Variants in AKAP13 observed in about 807,000 individuals in gnomAD.
AKAP13 encodes the protein A-kinase anchoring protein 13, also known as A-kinase anchor protein 13.
AKAP13 carries 80 observed loss-of-function variants against 264.5 expected under a neutral mutation model. That is an observed-to-expected ratio of 0.30 (90% CI 0.25 to 0.36). The LOEUF (loss-of-function observed/expected upper bound fraction) is 0.36, where lower values mean the gene tolerates loss of function less well. Among genes scored for constraint, AKAP13 ranks in the 10% least tolerant of loss-of-function variants. The pLI is 1.00. For synonymous variants in AKAP13, 1,380 were observed against 1,250.2 expected (o/e 1.10, Z -2.19); for missense variants, 3,712 against 3,435.2 (o/e 1.08, Z -2.01).
intron 11 of AKAP13, among the ~76,000 whole-genome samples, chr15:85,656,248 T>C (rs568481471): frequency 6.6e-6 from 1 of 152,362 alleles, no homozygotes; most frequent in East Asian, 1.9e-4. Flanking sequence ...ACCATCTGTT[T>C]CTAATACAGA....
chr15:85,723,181 T>G lies in AKAP13; in HGVS notation c.6606T>G (p.Asn2202Lys). 1 of 1,614,136 alleles carries G rather than the reference T, an allele frequency of 6.2e-7. No individual in the cohort carries two copies. The highest frequency in any genetic ancestry group is 1.1e-5 in the South Asian group (1 of 91,082). The change falls in exon 26 of 37, where the codon AAT becomes AAG. Residue 2202 changes from asparagine to lysine, a missense_variant. Coordinates refer to ENST00000394518, the MANE Select transcript of AKAP13 (RefSeq NM_007200.5). ...GTTATGAAAAGAAAGTGCGTCTCAA[T>G]GAGATTTATACAAAGACAGATAGCA... ...VASYEKKVRL[N>K]EIYTKTDSKS...
chr15:85,727,524 C>A lies in AKAP13; in HGVS notation c.7087+61C>A. 6.3e-7 allele frequency: 1 copy of A among 1,582,350 alleles called. No individual in the cohort carries two copies. Among genetic ancestry groups the A allele is most frequent in the South Asian group, 1.1e-5 (1 of 89,528 alleles). Reference sequence around the variant, plus strand: ...GAATGTCTGCAGTTGCAGAAGACTGCTGGTGGATTTTAGAGGTACGGGTTT... The same window carrying A: ...GAATGTCTGCAGTTGCAGAAGACTGATGGTGGATTTTAGAGGTACGGGTTT... On this transcript the variant is annotated intron_variant, in intron 29 of 36. Coordinates refer to ENST00000394518, the MANE Select transcript of AKAP13 (RefSeq NM_007200.5). The surrounding 1 kb of genome is among the most constrained non-coding windows in gnomAD (Gnocchi z 5.3).
At chr15:85,657,766 G>C (rs912320272) in intron 11 of AKAP13, among the ~76,000 whole-genome samples, 2 of 148,026 alleles carry the variant, frequency 1.4e-5, no homozygotes, top group Non-Finnish European at 3.0e-5. Context: ...AGAGCATGGT[G>C]AATGATCCCT....
chr15:85,688,124 A>G (rs888772437), intron 16 of AKAP13, among the ~76,000 whole-genome samples: 2 of 152,076 alleles, frequency 1.3e-5, no homozygotes, highest in Non-Finnish European at 2.9e-5. Flanking sequence ...TCTGCTATGT[A>G]TCTGCATAGC....
At chr15:85,503,067 C>T (rs1240388852) in intron 2 of AKAP13, among the ~76,000 whole-genome samples, 1 of 152,144 alleles carries the variant, frequency 6.6e-6, no homozygotes, top group Non-Finnish European at 1.5e-5. Flanking sequence ...CTAGTGTATG[C>T]TACGTACTTG....
intron 8 of AKAP13, among the ~76,000 whole-genome samples, chr15:85,587,950 C>A (rs2151322972): frequency 6.6e-6 from 1 of 152,100 alleles, no homozygotes; most frequent in East Asian, 1.9e-4. Flanking sequence ...ACCCAGCCAG[C>A]TATTAACTTT....
At chr15:85,409,689 G>A (rs1057132050) in intron 1 of AKAP13, among the ~76,000 whole-genome samples, 3 of 147,978 alleles carry the variant, frequency 2.0e-5, no homozygotes, top group East Asian at 2.0e-4. Context: ...GGAGTGCAGC[G>A]GTGCGATCTC....
In AKAP13 at chr15:85,717,160, C is replaced by T. The variant is rs73454475; in HGVS notation, c.5736-130C>T. On this transcript the variant is annotated intron_variant, in intron 20 of 36. Coordinates refer to ENST00000394518, the MANE Select transcript of AKAP13 (RefSeq NM_007200.5). ...CATGTTGCTGTGGCCCCGACATAAG[C>T]AATTTGTCTTCAGTCACTGTAGTAC... The T allele has an allele frequency of 9.6e-3, 5,454 of 570,846 alleles. 194 individuals carry two copies. The highest frequency in any genetic ancestry group is 0.08 in the African/African-American group (4,039 of 50,588). 35.4% of individuals were successfully genotyped at this position (570,846 alleles called of 1,614,324 possible). A position where few individuals can be genotyped will look rare whatever the true frequency, so the allele number is the denominator to read the frequency against.
chr15:85,741,553 G>C, intron 35 of AKAP13, 58 bp downstream of exon 35: 1 of 1,504,624 alleles, frequency 6.6e-7, no homozygotes, highest in East Asian at 2.3e-5. Flanking sequence ...GACCCCCTGT[G>C]TATTAAGCAA....
At chr15:85,625,547 G>A (rs953032748) in intron 8 of AKAP13, among the ~76,000 whole-genome samples, 8 of 152,266 alleles carry the variant, frequency 5.3e-5, no homozygotes, top group Admixed American at 4.6e-4. Context: ...GGTGGCTTTT[G>A]ATTTCCTGCA....
At chr15:85,517,438 C>T (rs923994687) in intron 2 of AKAP13, among the ~76,000 whole-genome samples, 1 of 151,926 alleles carries the variant, frequency 6.6e-6, no homozygotes, top group Non-Finnish European at 1.5e-5. Flanking sequence ...AGTCTCCCAG[C>T]AAGATGTTGG....
Position 85,719,186 on chromosome 15 carries a change from C to G in AKAP13, c.6112C>G (p.Leu2038Val), listed in dbSNP as rs765296083. ...TTTTGAGCAGCAGATGGTAGAAAAGCTGTTCCCCTGTTTGGATGAGCTGAT... is the reference window on the plus strand; with the variant it reads ...TTTTGAGCAGCAGATGGTAGAAAAGGTGTTCCCCTGTTTGGATGAGCTGAT... ...LLFEQQMVEK[L>V]FPCLDELISI... Residue 2038 changes from leucine to valine, a missense_variant, in exon 23 of 37, where the codon CTG becomes GTG. Physicochemically the swap from Leu to Val is conservative, Grantham distance 32. Around this residue, in one of 3 missense-constraint regions of AKAP13, gnomAD observed 342 missense variants for 484.3 expected, o/e 0.71. Transcript: ENST00000394518. The G allele has an allele frequency of 1.2e-6, 2 of 1,614,160 alleles. No homozygotes were observed. Among genetic ancestry groups the G allele is most frequent in the South Asian group, 1.1e-5 (1 of 91,080 alleles).
chr15:85,511,849 T>A (rs1394248088), intron 2 of AKAP13, among the ~76,000 whole-genome samples: 1 of 152,208 alleles, frequency 6.6e-6, no homozygotes, highest in Non-Finnish European at 1.5e-5. Context: ...GATTGGTAGA[T>A]CTTGCTACCA....
intron 10 of AKAP13, among the ~76,000 whole-genome samples, chr15:85,647,803 C>T (rs2082622983): frequency 6.6e-6 from 1 of 152,138 alleles, no homozygotes; most frequent in Non-Finnish European, 1.5e-5. Flanking sequence ...TGGCGGGCAC[C>T]TGTAGTCCCA....
chr15:85,508,674 C>CTCCAA (rs11282042), intron 2 of AKAP13, among the ~76,000 whole-genome samples: 2,568 of 152,008 alleles, frequency 0.017, 77 homozygotes, highest in African/African-American at 0.059. Flanking sequence ...TTTCAAAACC[C>CTCCAA]TCCAATGGTT....
In AKAP13 at chr15:85,550,592, T is replaced by C. The variant is rs191626357; in HGVS notation, c.662+6637T>C. On this transcript the variant is annotated intron_variant, in intron 5 of 36. Coordinates refer to ENST00000394518, the MANE Select transcript of AKAP13 (RefSeq NM_007200.5). ...TGCCAACATAGTAATTTTGCCCTTT[T>C]AGATTCCTCTTCAGGTACTTGACAA... is the stretch of plus-strand genomic sequence containing the variant. Among the ~76,000 whole-genome samples the C allele has an allele frequency of 3.8e-3, 575 of 152,348 alleles. 5 individuals are homozygous for C. Among genetic ancestry groups the C allele is most frequent in the Middle Eastern group, 6.8e-3 (2 of 294 alleles).
At chr15:85,512,816 TG>T (rs1181918907) in intron 2 of AKAP13, among the ~76,000 whole-genome samples, 8 of 4,104 alleles carry the variant, frequency 1.9e-3, no homozygotes, top group Non-Finnish European at 5.2e-3. Flanking sequence ...ACTATTTTTA[TG>T]TATGTATGTA....
At chr15:85,569,126 A>T (rs370602045) in intron 5 of AKAP13, among the ~76,000 whole-genome samples, 1 of 152,178 alleles carries the variant, frequency 6.6e-6, no homozygotes, top group Non-Finnish European at 1.5e-5. Context: ...GCTGCTTTTG[A>T]TTATGGAGTA....
chr15:85,746,536 C>T lies in AKAP13; in HGVS notation c.*1859C>T, dbSNP rs2151797433. On this transcript the variant is annotated 3_prime_UTR_variant, in exon 37 of 37. Transcript: ENST00000394518. ...CTTGTTTGAGAATGAAGAAACTCGCCACCTCTGACCTACCTTTGCCTTTTT... is the reference window on the plus strand; with the variant it reads ...CTTGTTTGAGAATGAAGAAACTCGCTACCTCTGACCTACCTTTGCCTTTTT... 6.6e-6 allele frequency: 1 copy of T among 152,224 alleles called. No individual in the cohort carries two copies. The highest frequency in any genetic ancestry group is 3.4e-3 in the Middle Eastern group (1 of 294). 9.4% of individuals were successfully genotyped at this position (152,224 alleles called of 1,614,324 possible). A position where few individuals can be genotyped will look rare whatever the true frequency, so the allele number is the denominator to read the frequency against.
Sources: allele counts gnomAD v4.1 joint callset (sites outside exome capture counted in the v4.1 genomes callset), GRCh38; gene constraint gnomAD v4.1.1; regional missense constraint gnomAD v4.1.1; non-coding constraint Gnocchi (gnomAD v3.1); transcripts MANE v1.5; gene names NCBI Gene and HGNC (gene_info 2026-07-23, HGNC 2026-07-21).